The following ASPH variants were observed in gnomAD, a reference collection of about 807,000 sequenced individuals.
ASPH encodes aspartate beta-hydroxylase.
A neutral mutation model predicts 118.4 loss-of-function variants in ASPH; 100 were observed. That is an observed-to-expected ratio of 0.84 (90% CI 0.72 to 1.00). The LOEUF (loss-of-function observed/expected upper bound fraction) is 1.00. Ranked by LOEUF, ASPH falls within the 50% of genes least tolerant of loss-of-function variation. ASPH has a pLI of 0.00. For synonymous variants in ASPH, 315 were observed against 325.6 expected (o/e 0.97, Z 0.35); for missense variants, 920 against 919.5 (o/e 1.00, Z -0.01).
At chr8:61,699,378 G>T (rs1173815562) in intron 1 of ASPH, among the ~76,000 whole-genome samples, 1 of 152,168 alleles carries the variant, frequency 6.6e-6, no homozygotes, top group Admixed American at 6.5e-5. Flanking sequence ...ACAAATATTT[G>T]TTTATAAATT....
chr8:61,567,072 C>T, intron 17 of ASPH, 96 bp downstream of exon 17: 1 of 1,428,718 alleles, frequency 7.0e-7, no homozygotes, highest in Non-Finnish European at 9.3e-7. Flanking sequence ...CAGGTTTTCT[C>T]CCACGTAATT....
chr8:61,505,399 G>A (rs1806097798), intron 24 of ASPH, among the ~76,000 whole-genome samples: 1 of 151,566 alleles, frequency 6.6e-6, no homozygotes, highest in South Asian at 2.1e-4. Flanking sequence ...GGAGGCTGAG[G>A]CAGGAAATTG....
intron 21 of ASPH, among the ~76,000 whole-genome samples, chr8:61,532,010 A>T (rs980081023): frequency 6.6e-6 from 1 of 152,214 alleles, no homozygotes; most frequent in African/African-American, 2.4e-5. Flanking sequence ...GGGGGTGCAG[A>T]TACCTCTTTG....
intron 14 of ASPH, among the ~76,000 whole-genome samples, chr8:61,611,452 C>A (rs1165750959): frequency 6.6e-6 from 1 of 152,218 alleles, no homozygotes; most frequent in Non-Finnish European, 1.5e-5. Flanking sequence ...TACACAGAGG[C>A]ATGAATGCCA....
Position 61,607,695 on chromosome 8 carries a change from G to A in ASPH, c.976+11283C>T, listed in dbSNP as rs188768818. Among the ~76,000 whole-genome samples, 260 of 152,192 alleles carry A rather than the reference G, an allele frequency of 1.7e-3. 2 individuals are homozygous for A. Among genetic ancestry groups the A allele is most frequent in the South Asian group, 8.3e-4 (4 of 4,814 alleles). ...GGTCTATGGCAATGACCCAGGAAAT[G>A]CTGAGTACCTTCTGAGTACAAAGCA... On this transcript the variant is annotated intron_variant, in intron 14 of 24. Coordinates refer to ENST00000379454, the MANE Select transcript of ASPH (RefSeq NM_004318.4).
chr8:61,610,001 T>C (rs1009613511), intron 14 of ASPH, among the ~76,000 whole-genome samples: 1 of 152,208 alleles, frequency 6.6e-6, no homozygotes, highest in Non-Finnish European at 1.5e-5. Flanking sequence ...AACAATGAAG[T>C]GCATTGCCTG....
intron 3 of ASPH, among the ~76,000 whole-genome samples, chr8:61,673,661 T>C (rs188772914): frequency 2.0e-4 from 31 of 152,320 alleles, no homozygotes; most frequent in Admixed American, 1.3e-3. Flanking sequence ...AAGACTTATA[T>C]TATGAAACAA....
rs1040853963 is a variant in ASPH, at chr8:61,714,422, G to C, written c.-51C>G. ...GGCTGGCGGACCTCCTTCAGTGCGCGGGGGTACACACGCGACGCGGGAACC... is the reference window on the plus strand; with the variant it reads ...GGCTGGCGGACCTCCTTCAGTGCGCCGGGGTACACACGCGACGCGGGAACC... On this transcript the variant is annotated 5_prime_UTR_variant, in exon 1 of 25. Transcript: ENST00000379454. 1.4e-6 allele frequency: 2 copies of C among 1,393,358 alleles called. No homozygotes were observed. Among genetic ancestry groups the C allele is most frequent in the African/African-American group, 1.5e-5 (1 of 66,074 alleles). 86.3% of individuals were successfully genotyped at this position (1,393,358 alleles called of 1,614,324 possible).
At chr8:61,526,597 T>A (rs897624272) in intron 21 of ASPH, among the ~76,000 whole-genome samples, 2 of 152,200 alleles carry the variant, frequency 1.3e-5, no homozygotes, top group Non-Finnish European at 2.9e-5. Context: ...CAGAAGAGTA[T>A]CCACTGGAGG....
At chr8:61,682,550 C>G (rs1828644607) in intron 2 of ASPH, 2 of 1,409,796 alleles carry the variant, frequency 1.4e-6, no homozygotes, top group Non-Finnish European at 2.0e-6. Flanking sequence ...AAAGTGTCCT[C>G]TTTTAAGATA....
chr8:61,508,038 C>T (rs1473570153), intron 24 of ASPH, among the ~76,000 whole-genome samples: 2 of 151,966 alleles, frequency 1.3e-5, no homozygotes, highest in African/African-American at 2.4e-5. Flanking sequence ...TTTTTCAAGA[C>T]AGGATTTGCT....
chr8:61,579,621 A>T lies in ASPH; in HGVS notation c.1063-2763T>A. ...GGCCGTGGTTGTGAAGAAGATCGAG[A>T]CATGTGATGGGAAGCTGGTGTCCGA... On this transcript the variant is annotated intron_variant, in intron 15 of 24. Transcript: ENST00000379454. 3.3e-6 allele frequency: 5 copies of T among 1,521,934 alleles called. 1 individual carries two copies. The South Asian group carries it at 3.4e-5, about 10-fold the overall frequency. 94.3% of individuals were successfully genotyped at this position (1,521,934 alleles called of 1,614,324 possible). A position where few individuals can be genotyped will look rare whatever the true frequency, so the allele number is the denominator to read the frequency against.
rs778618542 is a variant in ASPH, at chr8:61,644,626, T to C, written c.626A>G (p.Glu209Gly). Residue 209 changes from glutamate to glycine, a missense_variant, in exon 7 of 25, where the codon GAG (glutamate) becomes GGG (glycine). By Grantham distance (98) the Glu-to-Gly change is moderately conservative (BLOSUM62 -2). Transcript: ENST00000379454. ...TGTCTCTTCCACGTGGTAACTATGCTCGGTTTCTGGAAAAAAAAAAATTAG... is the reference window on the plus strand; with the variant it reads ...TGTCTCTTCCACGTGGTAACTATGCCCGGTTTCTGGAAAAAAAAAAATTAG... ...LEPEVSHEET[E>G]HSYHVEETVS... 1.9e-6 allele frequency: 3 copies of C among 1,587,806 alleles called. No individual in the cohort carries two copies. Among genetic ancestry groups the C allele is most frequent in the African/African-American group, 1.4e-5 (1 of 73,888 alleles).
chr8:61,541,385 T>C (rs1169154343), intron 21 of ASPH, among the ~76,000 whole-genome samples: 2 of 152,142 alleles, frequency 1.3e-5, no homozygotes, highest in Non-Finnish European at 2.9e-5. Context: ...AAATGCCCTA[T>C]TCATGGTAGT....
At chr8:61,706,340 C>A (rs112631383) in intron 1 of ASPH, among the ~76,000 whole-genome samples, 1 of 142,316 alleles carries the variant, frequency 7.0e-6, no homozygotes, top group East Asian at 2.1e-4. Context: ...GGAGGATCAC[C>A]GGAGCCTGGG....
At position 61,613,066 on chromosome 8, in the gene ASPH, CCACTAGAA is replaced by C. The variant is rs1282578582; in HGVS notation, c.976+5904_976+5911del. 2.0e-5 allele frequency among the ~76,000 whole-genome samples: 3 copies of C among 152,178 alleles called. No homozygotes were observed. In the East Asian group the frequency reaches 5.8e-4, roughly 29 times the overall value. ...AGCACCCACTATCTATGGTTAAGCA[CCACTAGAA>C]TAGTGTGATGGTTAATTATATTTGT... On this transcript the variant is annotated intron_variant, in intron 14 of 24. Transcript: ENST00000379454.
chr8:61,626,226 G>A (rs1852740737), intron 13 of ASPH: 3 of 1,520,312 alleles, frequency 2.0e-6, no homozygotes, highest in Non-Finnish European at 2.6e-6. Context: ...TGGAGCGTAT[G>A]GTTAGGCTGG....
intron 13 of ASPH, chr8:61,624,803 T>C (rs888047569): frequency 5.1e-6 from 5 of 985,586 alleles, no homozygotes; most frequent in Non-Finnish European, 6.0e-6. Context: ...AATATGGCTT[T>C]ATAAAAAGTA....
At chr8:61,524,039 C>T (rs1050875527) in intron 22 of ASPH, among the ~76,000 whole-genome samples, 3 of 152,180 alleles carry the variant, frequency 2.0e-5, no homozygotes, top group African/African-American at 7.2e-5. Context: ...TAGGATTGCA[C>T]CATTGCACGC....
Sources: allele counts gnomAD v4.1 joint callset (sites outside exome capture counted in the v4.1 genomes callset), GRCh38; gene constraint gnomAD v4.1.1; transcripts MANE v1.5; gene names NCBI Gene and HGNC (gene_info 2026-07-23, HGNC 2026-07-21).